The following ADCY8 variants were observed in gnomAD, a reference collection of about 807,000 sequenced individuals.
ADCY8 encodes the protein adenylate cyclase type 8.
ADCY8 carries 51 observed loss-of-function variants against 119.7 expected under a neutral mutation model. The observed-to-expected ratio is 0.43, with a 90% CI of 0.34 to 0.54. The LOEUF (loss-of-function observed/expected upper bound fraction) is 0.54. Among genes scored for constraint, ADCY8 ranks in the 20% least tolerant of loss-of-function variants. The pLI is 0.03. For synonymous variants in ADCY8, 665 were observed against 651.0 expected (o/e 1.02, Z -0.33); for missense variants, 1,383 against 1,598.8 (o/e 0.87, Z 2.30).
intron 5 of ADCY8, among the ~76,000 whole-genome samples, chr8:130,914,584 C>A (rs1820072837): frequency 1.3e-5 from 2 of 152,124 alleles, no homozygotes; most frequent in Non-Finnish European, 2.9e-5. Context: ...ATTAGTAAGG[C>A]TACCCTGTGG....
In ADCY8 at chr8:130,995,651, G is replaced by A. The variant is rs1047837151; in HGVS notation, c.961-5109C>T. Among the ~76,000 whole-genome samples, 37 of 151,364 alleles carry A rather than the reference G, an allele frequency of 2.4e-4. 1 individual carries two copies. The highest frequency in any genetic ancestry group is 3.3e-4 in the Admixed American group (5 of 15,188). ...ATTCAAATGTCATCTCCTCTTCTTC[G>A]AACACTACTCTCCATACTTCTTGCC... On this transcript the variant is annotated intron_variant, in intron 1 of 17. Transcript: ENST00000286355.
intron 5 of ADCY8, among the ~76,000 whole-genome samples, chr8:130,928,805 A>G (rs1346401001): frequency 6.6e-6 from 1 of 152,188 alleles, no homozygotes; most frequent in Non-Finnish European, 1.5e-5. Flanking sequence ...TGCTAGCCTC[A>G]TAAAATGAGG....
intron 5 of ADCY8, among the ~76,000 whole-genome samples, chr8:130,926,206 C>T (rs909639350): frequency 2.0e-5 from 3 of 152,088 alleles, no homozygotes; most frequent in Non-Finnish European, 4.4e-5. Context: ...TACATTTACA[C>T]TCATACATAC....
chr8:130,895,221 T>A (rs879690044), intron 7 of ADCY8, among the ~76,000 whole-genome samples: 23 of 152,170 alleles, frequency 1.5e-4, no homozygotes, highest in Non-Finnish European at 1.3e-4. Context: ...TTGGGTCTTG[T>A]TTGTCAGCCC....
chr8:130,984,673 T>C (rs1411834731), intron 2 of ADCY8, among the ~76,000 whole-genome samples: 3 of 151,804 alleles, frequency 2.0e-5, no homozygotes, highest in African/African-American at 7.3e-5. Flanking sequence ...GTAAAGGAAA[T>C]ATAGAAAAAA....
intron 1 of ADCY8, among the ~76,000 whole-genome samples, chr8:131,022,862 T>C (rs1196919082): frequency 6.6e-6 from 1 of 152,126 alleles, no homozygotes; most frequent in African/African-American, 2.4e-5. Flanking sequence ...CCCTCAAGTC[T>C]AGCACATAGT....
At chr8:130,846,888 T>TTCCTTCC (rs56726941) in intron 11 of ADCY8, among the ~76,000 whole-genome samples, 250 of 19,842 alleles carry the variant, frequency 0.013, 18 homozygotes, top group Middle Eastern at 0.05. Context: ...TTCCCTTCCC[T>TTCCTTCC]TTCCTTCCTT....
intron 14 of ADCY8, among the ~76,000 whole-genome samples, chr8:130,813,240 C>A (rs770446321): frequency 6.6e-6 from 1 of 152,192 alleles, no homozygotes; most frequent in Admixed American, 6.5e-5. Context: ...AGCCACTGCG[C>A]CCGGCCATCT....
intron 1 of ADCY8, among the ~76,000 whole-genome samples, chr8:130,998,577 T>G (rs1822850293): frequency 6.6e-6 from 1 of 152,090 alleles, no homozygotes; most frequent in South Asian, 2.1e-4. Flanking sequence ...TCTTAGCACT[T>G]GGAAACATGA....
At chr8:131,002,937 C>A (rs1227105368) in intron 1 of ADCY8, among the ~76,000 whole-genome samples, 2 of 152,086 alleles carry the variant, frequency 1.3e-5, no homozygotes, top group African/African-American at 4.8e-5. Flanking sequence ...CACGGTGGCT[C>A]ACGCCTGCAT....
intron 2 of ADCY8, among the ~76,000 whole-genome samples, chr8:130,982,814 CATTA>C (rs1279221124): frequency 1.3e-5 from 2 of 152,182 alleles, no homozygotes; most frequent in African/African-American, 2.4e-5. Flanking sequence ...TGTAAAAAGT[CATTA>C]ATGAGATATT....
chr8:130,982,570 T>C (rs1385657814), intron 2 of ADCY8, among the ~76,000 whole-genome samples: 1 of 152,214 alleles, frequency 6.6e-6, no homozygotes, highest in East Asian at 1.9e-4. Flanking sequence ...GAAACTCACA[T>C]ACAAAATGGT....
At chr8:130,853,192 T>A (rs979560807) in intron 9 of ADCY8, among the ~76,000 whole-genome samples, 1 of 152,202 alleles carries the variant, frequency 6.6e-6, no homozygotes, top group Non-Finnish European at 1.5e-5. Flanking sequence ...TCCTCTTCGA[T>A]CCACTGAGAT....
At position 130,812,486 on chromosome 8, in the gene ADCY8, G is replaced by A. The variant is rs567480944; in HGVS notation, c.2913+1583C>T. On this transcript the variant is annotated intron_variant, in intron 14 of 17. Transcript: ENST00000286355. ...CAATTAGGGTGAGCCCTAAATCTATGACTGGTGATGTTAAAAGGAGAGTAC... is the reference window on the plus strand; with the variant it reads ...CAATTAGGGTGAGCCCTAAATCTATAACTGGTGATGTTAAAAGGAGAGTAC... Among the ~76,000 whole-genome samples, 157 of 152,226 alleles carry A rather than the reference G, an allele frequency of 1.0e-3. 1 individual carries two copies. Among genetic ancestry groups the A allele is most frequent in the Non-Finnish European group, 2.0e-3 (136 of 68,042 alleles).
intron 9 of ADCY8, among the ~76,000 whole-genome samples, chr8:130,854,812 TC>T (rs758504299): frequency 2.8e-5 from 1 of 35,606 alleles, no homozygotes; most frequent in Non-Finnish European, 5.7e-5. Context: ...CGTCCCTCCC[TC>T]CCTCCCTCCC....
rs370186778 is a variant in ADCY8 at position 130,785,518 on chromosome 8, C to T, written c.3061-43G>A. 1.6e-5 allele frequency: 24 copies of T among 1,480,440 alleles called. No individual in the cohort carries two copies. The South Asian group carries it at 1.8e-4, about 11-fold the overall frequency. 91.7% of individuals were successfully genotyped at this position (1,480,440 alleles called of 1,614,324 possible). ...AATGGTGTTAGCCCTGGTGTTTATT[C>T]TTCCAGCAGCCTGGGCTCCTGAAAA... On this transcript the variant is annotated intron_variant, in intron 15 of 17. Transcript: ENST00000286355.
chr8:130,869,114 A>G (rs1452999831), intron 8 of ADCY8, among the ~76,000 whole-genome samples: 5 of 152,204 alleles, frequency 3.3e-5, no homozygotes. Context: ...AGCTCTCTGG[A>G]TGAAGCACAA....
intron 14 of ADCY8, among the ~76,000 whole-genome samples, chr8:130,812,353 C>T (rs1816195764): frequency 6.6e-6 from 1 of 152,170 alleles, no homozygotes; most frequent in Non-Finnish European, 1.5e-5. Context: ...CCGAATAGTG[C>T]CTAGTGCCTC....
At position 130,780,367 on chromosome 8, in the gene ADCY8, A is replaced by AAAAAC; in HGVS notation, c.*22_*23insGTTTT. On this transcript the variant is annotated 3_prime_UTR_variant, in exon 18 of 18. Transcript: ENST00000286355. ...TTTATATATAAAAGAAATACAAAAA[A>AAAAAC]AAAAAACAGAAAGAAAATGCTTTTA... 1 of 1,400,146 alleles carries AAAAAC rather than the reference A, an allele frequency of 7.1e-7. No individual in the cohort carries two copies. Among genetic ancestry groups the AAAAAC allele is most frequent in the African/African-American group, 1.5e-5 (1 of 68,638 alleles). The allele number at this position is 1,400,146 out of a possible 1,614,324, so 86.7% of individuals were successfully genotyped here. A position where few individuals can be genotyped will look rare whatever the true frequency, so the allele number is the denominator to read the frequency against.
Sources: allele counts gnomAD v4.1 joint callset (sites outside exome capture counted in the v4.1 genomes callset), GRCh38; gene constraint gnomAD v4.1.1; transcripts MANE v1.5; gene names NCBI Gene and HGNC (gene_info 2026-07-23, HGNC 2026-07-21).